KLF8: variants seen among roughly 807,000 people sequenced by gnomAD.
KLF8 encodes the protein KLF transcription factor 8.
Under a neutral mutation model 18.2 loss-of-function variants are expected in KLF8, and 10 were observed. The ratio of observed to expected loss-of-function variants is 0.55; its 90% CI spans 0.34 to 0.93. The LOEUF (loss-of-function observed/expected upper bound fraction) is 0.93, where lower values mean the gene tolerates loss of function less well. KLF8 is among the 40% of genes least tolerant of loss of function. KLF8 has a pLI of 0.02. For missense variants in KLF8, 264 were observed against 277.9 expected (o/e 0.95, Z 0.36); for synonymous variants, 109 against 97.3 (o/e 1.12, Z -0.71).
the KLF8 span, among the ~76,000 whole-genome samples, chrX:56,093,604 A>C: frequency 9.0e-6 from 1 of 110,844 alleles, no homozygotes; most frequent in Non-Finnish European, 1.9e-5. Context: ...CTTGGACCAA[A>C]ATTAAAAAAA....
chrX:55,997,286 G>A, the KLF8 span, among the ~76,000 whole-genome samples: 1 of 111,796 alleles, frequency 8.9e-6, no homozygotes, highest in Admixed American at 9.4e-5. Flanking sequence ...AGTGCGGATG[G>A]GCATCTCTGG....
the KLF8 span, among the ~76,000 whole-genome samples, chrX:56,070,342 C>T: frequency 1.1e-4 from 12 of 111,387 alleles, no homozygotes; most frequent in South Asian, 3.8e-4. Flanking sequence ...GTGTAGCAAA[C>T]CACCATGGCA....
the KLF8 span, among the ~76,000 whole-genome samples, chrX:56,079,046 AGT>A: frequency 9.0e-6 from 1 of 110,979 alleles, no homozygotes; most frequent in African/African-American, 3.3e-5. Flanking sequence ...CTTCTTTATT[AGT>A]CTTGCTAGCG....
the KLF8 span, among the ~76,000 whole-genome samples, chrX:56,145,575 G>C: frequency 8.9e-6 from 1 of 112,064 alleles, no homozygotes; most frequent in African/African-American, 3.2e-5. Context: ...CAGATGAAAA[G>C]ATAAACAAAA....
At chrX:55,981,940 C>T in the KLF8 span, among the ~76,000 whole-genome samples, 1 of 111,502 alleles carries the variant, frequency 9.0e-6, no homozygotes, top group Non-Finnish European at 1.9e-5. Flanking sequence ...TTTTGGAATA[C>T]TTGGAGGCTC....
At chrX:56,086,172 T>C in the KLF8 span, among the ~76,000 whole-genome samples, 2 of 112,224 alleles carry the variant, frequency 1.8e-5, no homozygotes, top group African/African-American at 6.5e-5. Context: ...GAAGCAAGGC[T>C]TTCTGTGGAT....
chrX:56,167,567 A>T, the KLF8 span, among the ~76,000 whole-genome samples: 1 of 112,101 alleles, frequency 8.9e-6, no homozygotes, highest in Non-Finnish European at 1.9e-5. Context: ...AAGAGAGCCA[A>T]CTAGGAAACC....
chrX:56,070,365 T>A, the KLF8 span, among the ~76,000 whole-genome samples: 1 of 111,515 alleles, frequency 9.0e-6, no homozygotes, highest in Non-Finnish European at 1.9e-5. Flanking sequence ...TGTGTACCTA[T>A]GTAACAAACC....
the KLF8 span, among the ~76,000 whole-genome samples, chrX:56,194,602 G>A: frequency 9.0e-4 from 101 of 112,564 alleles, no homozygotes; most frequent in South Asian, 2.2e-3. Flanking sequence ...AAGTCCTACT[G>A]CCTCTAGACT....
At chrX:56,214,379 A>G in the KLF8 span, among the ~76,000 whole-genome samples, 107 of 112,277 alleles carry the variant, frequency 9.5e-4, no homozygotes, top group African/African-American at 3.4e-3. Context: ...TTAAAACTTC[A>G]CAGCAATTAT....
At chrX:56,068,673 A>T in the KLF8 span, among the ~76,000 whole-genome samples, 1 of 111,873 alleles carries the variant, frequency 8.9e-6, no homozygotes. Context: ...CCCAGGAAAC[A>T]CCTGGATTGC....
At chrX:56,221,817 T>G in the KLF8 span, among the ~76,000 whole-genome samples, 10 of 111,663 alleles carry the variant, frequency 9.0e-5, no homozygotes, top group Non-Finnish European at 1.9e-4. Flanking sequence ...AGAACAAACC[T>G]TCCACAGTTT....
the KLF8 span, among the ~76,000 whole-genome samples, chrX:56,197,951 CATA>C: frequency 1.8e-5 from 2 of 111,963 alleles, no homozygotes; most frequent in Non-Finnish European, 3.8e-5. Flanking sequence ...AATCAATAAA[CATA>C]ATCCATCACA....
At chrX:56,043,275 T>C in the KLF8 span, among the ~76,000 whole-genome samples, 22,467 of 108,870 alleles carry the variant, frequency 0.21, 4,900 homozygotes, top group African/African-American at 0.65. Context: ...CTTGGAGAAT[T>C]GGATGATTAT....
At chrX:56,196,856 C>A in the KLF8 span, among the ~76,000 whole-genome samples, 30 of 111,598 alleles carry the variant, frequency 2.7e-4, no homozygotes, top group Non-Finnish European at 5.5e-4. Context: ...GTAAAGCACT[C>A]CTCAGCAAAG....
At chrX:56,182,343 A>G in the KLF8 span, among the ~76,000 whole-genome samples, 136 of 111,983 alleles carry the variant, frequency 1.2e-3, 1 homozygote, top group African/African-American at 4.1e-3. Flanking sequence ...TATACTGTTT[A>G]TTCTAGTTAA....
chrX:56,136,843 G>A, the KLF8 span, among the ~76,000 whole-genome samples: 239 of 110,143 alleles, frequency 2.2e-3, 1 homozygote, highest in Non-Finnish European at 2.1e-3. Context: ...GAAAATTTTC[G>A]CAACCTACTC....
At chrX:55,943,902 A>G in the KLF8 span, among the ~76,000 whole-genome samples, 1 of 112,106 alleles carries the variant, frequency 8.9e-6, no homozygotes, top group Non-Finnish European at 1.9e-5. Flanking sequence ...AAGGGGAGTG[A>G]ACCCTGATGT....
the KLF8 span, among the ~76,000 whole-genome samples, chrX:56,186,487 T>G: frequency 3.6e-5 from 4 of 110,470 alleles, no homozygotes; most frequent in African/African-American, 6.6e-5. Context: ...AGTTAACAAG[T>G]ATACCCAGGA....
Sources: allele counts gnomAD v4.1 joint callset (sites outside exome capture counted in the v4.1 genomes callset), GRCh38; gene constraint gnomAD v4.1.1; transcripts MANE v1.5; gene names NCBI Gene and HGNC (gene_info 2026-07-23, HGNC 2026-07-21).